STK32B: variants seen among roughly 807,000 people sequenced by gnomAD.
STK32B encodes serine/threonine kinase 32B.
STK32B carries 43 observed loss-of-function variants against 52.6 expected under a neutral mutation model. That is an observed-to-expected ratio of 0.82 (90% confidence interval 0.64 to 1.05). The LOEUF is 1.05. Among genes scored for constraint, STK32B ranks in the 50% least tolerant of loss-of-function variants. The pLI is 0.00. For synonymous variants in STK32B, 238 were observed against 204.3 expected (o/e 1.17, Z -1.41); for missense variants, 621 against 534.6 (o/e 1.16, Z -1.59).
chr4:5,308,135 G>T (rs1453127478), intron 3 of STK32B, among the ~76,000 whole-genome samples: 1 of 152,168 alleles, frequency 6.6e-6, no homozygotes, highest in East Asian at 1.9e-4. Flanking sequence ...TTTCAAGAGT[G>T]CATCAGCTGT....
chr4:5,312,288 TTTTTA>T (rs1459116931), intron 3 of STK32B, among the ~76,000 whole-genome samples: 1 of 145,198 alleles, frequency 6.9e-6, no homozygotes, highest in Non-Finnish European at 1.5e-5. Context: ...TAGGTTTCTT[TTTTTA>T]TTTTGTTATT....
rs545745868 is a variant in STK32B, at chr4:5,111,403, G to A, written c.53-28502G>A. 2.5e-4 allele frequency among the ~76,000 whole-genome samples: 38 copies of A among 152,222 alleles called. 1 individual carries two copies. Among genetic ancestry groups the A allele is most frequent in the African/African-American group, 9.2e-4 (38 of 41,528 alleles). On this transcript the variant is annotated intron_variant, in intron 1 of 11. Transcript: ENST00000282908. ...GTTAATCAGATAAAGAAATTGTGGT[G>A]TGTGTGTGTGCAATGGAATAGTATA...
intron 1 of STK32B, among the ~76,000 whole-genome samples, chr4:5,129,063 G>A (rs908272011): frequency 2.0e-5 from 3 of 152,134 alleles, no homozygotes; most frequent in Non-Finnish European, 4.4e-5. Context: ...AGGCAAAATC[G>A]CACACCTAAA....
At chr4:5,038,985 C>CTTTTTTTTTTTTTTTTTTTTTTT in the STK32B span, among the ~76,000 whole-genome samples, 1 of 122,354 alleles carries the variant, frequency 8.2e-6, no homozygotes, top group African/African-American at 3.2e-5. Flanking sequence ...AAATTTCTTT[C>CTTTTTTTTTTTTTTTTTTTTTTT]TTTTTTTTTT....
intron 1 of STK32B, among the ~76,000 whole-genome samples, chr4:5,100,381 T>TCTTC (rs201920457): frequency 7.3e-6 from 1 of 136,484 alleles, no homozygotes; most frequent in Non-Finnish European, 1.6e-5. Context: ...CTTGCCTTCT[T>TCTTC]CTTCCTTCCT....
chr4:5,170,089 C>G (rs373843645), intron 3 of STK32B, among the ~76,000 whole-genome samples: 1 of 152,116 alleles, frequency 6.6e-6, no homozygotes. Context: ...GCCATCTAAT[C>G]GAACCTTCAT....
chr4:5,438,064 T>C, intron 6 of STK32B: 2 of 985,634 alleles, frequency 2.0e-6, no homozygotes, highest in Non-Finnish European at 2.4e-6. Context: ...GACTTGGGGC[T>C]GCCAGGCATG....
At position 5,399,357 on chromosome 4, in the gene STK32B, C is replaced by T. The variant is rs150310882; in HGVS notation, c.472+1113C>T. 2.0e-5 allele frequency among the ~76,000 whole-genome samples: 3 copies of T among 152,160 alleles called. No individual in the cohort carries two copies. The highest frequency in any genetic ancestry group is 2.9e-5 in the Non-Finnish European group (2 of 68,042). On this transcript the variant is annotated intron_variant, in intron 5 of 11. Transcript: ENST00000282908. The surrounding 1 kb of genome is among the most constrained non-coding windows in gnomAD (Gnocchi z 5.4). ...CATGGTTCTATCTCAGAGCTCCTCT[C>T]GAACCTTCCATGAGCCAGCAGCATA... is the stretch of plus-strand genomic sequence containing the variant.
intron 2 of STK32B, among the ~76,000 whole-genome samples, chr4:5,159,538 T>TATATGAATATATATGA (rs1166946858): frequency 6.8e-5 from 8 of 117,766 alleles, no homozygotes; most frequent in African/African-American, 2.5e-4. Flanking sequence ...TATATGTATA[T>TATATGAATATATATGA]ATGTATATAT....
At chr4:5,373,532 C>T (rs1735388334) in intron 4 of STK32B, among the ~76,000 whole-genome samples, 1 of 152,272 alleles carries the variant, frequency 6.6e-6, no homozygotes, top group South Asian at 2.1e-4. Flanking sequence ...CGGACAAGGC[C>T]CACCCCCTCT....
At chr4:5,279,919 A>C (rs1161481858) in intron 3 of STK32B, among the ~76,000 whole-genome samples, 1 of 152,188 alleles carries the variant, frequency 6.6e-6, no homozygotes, top group African/African-American at 2.4e-5. Flanking sequence ...ACAAAGCAGC[A>C]AGGCCCTGGG....
chr4:5,452,604 A>G (rs775789789), intron 7 of STK32B, among the ~76,000 whole-genome samples: 11 of 152,134 alleles, frequency 7.2e-5, no homozygotes, highest in Admixed American at 3.3e-4. Context: ...TAAATTGCCT[A>G]AGGAACTGTT....
chr4:5,333,157 G>A lies in STK32B; in HGVS notation c.434+1764G>A, dbSNP rs1732390573. Among the ~76,000 whole-genome samples the A allele has an allele frequency of 2.0e-5, 3 of 152,090 alleles. No homozygotes were observed. The East Asian group carries it at 5.8e-4, about 29-fold the overall frequency. ...TTTCTCCACATCCTCTCCAGCACCT[G>A]TTGTTTCCTGACTTTTTAATGATTG... On this transcript the variant is annotated intron_variant, in intron 4 of 11. Coordinates refer to ENST00000282908, the MANE Select transcript of STK32B (RefSeq NM_018401.3).
chr4:5,379,321 C>T (rs755400551), intron 4 of STK32B, among the ~76,000 whole-genome samples: 3 of 152,102 alleles, frequency 2.0e-5, no homozygotes, highest in Non-Finnish European at 4.4e-5. Flanking sequence ...CCCACACTCT[C>T]CAGCAGCCTT....
chr4:5,175,055 C>G (rs895442127), intron 3 of STK32B, among the ~76,000 whole-genome samples: 2 of 152,180 alleles, frequency 1.3e-5, no homozygotes, highest in African/African-American at 2.4e-5. Flanking sequence ...TTCATTTCAT[C>G]TTCCATCGCT....
chr4:5,259,888 G>T (rs1257929580), intron 3 of STK32B, among the ~76,000 whole-genome samples: 1 of 152,146 alleles, frequency 6.6e-6, no homozygotes. Flanking sequence ...GGTCAGGAAG[G>T]TTTACTGGAG....
At chr4:5,153,783 C>G (rs894583328) in intron 2 of STK32B, among the ~76,000 whole-genome samples, 1 of 151,994 alleles carries the variant, frequency 6.6e-6, no homozygotes, top group Non-Finnish European at 1.5e-5. Flanking sequence ...ACATGGAAAA[C>G]ATCAAAGAAA....
chr4:5,081,563 T>C (rs1163932475), intron 1 of STK32B, among the ~76,000 whole-genome samples: 13 of 152,134 alleles, frequency 8.5e-5, no homozygotes, highest in Non-Finnish European at 1.8e-4. Context: ...TCTTTATTCC[T>C]TTTCATTCTT....
intron 4 of STK32B, among the ~76,000 whole-genome samples, chr4:5,348,458 G>T (rs759003507): frequency 1.3e-5 from 2 of 152,162 alleles, no homozygotes; most frequent in Non-Finnish European, 2.9e-5. Context: ...ACCCATAGCC[G>T]TTGCTTTAGG....
Sources: allele counts gnomAD v4.1 joint callset (sites outside exome capture counted in the v4.1 genomes callset), GRCh38; gene constraint gnomAD v4.1.1; non-coding constraint Gnocchi (gnomAD v3.1); transcripts MANE v1.5; gene names NCBI Gene and HGNC (gene_info 2026-07-23, HGNC 2026-07-21).